The following KCNQ2 variants were observed in gnomAD, a reference collection of about 807,000 sequenced individuals.
KCNQ2 encodes potassium voltage-gated channel subfamily KQT member 2.
A neutral mutation model predicts 84.8 loss-of-function variants in KCNQ2; 14 were observed. The observed-to-expected ratio is 0.17, with a 90% confidence interval of 0.11 to 0.26. The LOEUF (loss-of-function observed/expected upper bound fraction) is 0.26, where lower values mean the gene tolerates loss of function less well. Ranked by LOEUF, KCNQ2 falls within the 10% of genes least tolerant of loss-of-function variation. The probability of loss-of-function intolerance (pLI) is 1.00; values close to 1 mark genes in which losing one functional copy is unlikely to be tolerated. For synonymous variants in KCNQ2, 599 were observed against 554.1 expected, an observed-to-expected ratio of 1.08 and a Z score of -1.14; for missense variants, 788 against 1,254.0, an observed-to-expected ratio of 0.63 and a Z score of 5.61.
At chr20:63,431,491 A>C in intron 8 of KCNQ2, 122 bp from the exon 9 acceptor site, 1 of 1,137,044 alleles carries the variant, frequency 8.8e-7, no homozygotes, top group Non-Finnish European at 1.3e-6. Flanking sequence ...AACAAAGAAA[A>C]TTAGCACAAG....
chr20:63,434,587 G>T (rs1420323158), intron 7 of KCNQ2: 1 of 151,212 alleles, frequency 6.6e-6, no homozygotes, highest in Non-Finnish European at 1.5e-5. Flanking sequence ...TACCCCCGAC[G>T]TTCAGCAGGC....
chr20:63,455,764 G>A (rs981876080), intron 1 of KCNQ2, among the ~76,000 whole-genome samples: 12 of 151,852 alleles, frequency 7.9e-5, no homozygotes, highest in Admixed American at 6.5e-4. Flanking sequence ...CTCTACTCAC[G>A]GGGCCCCCAC....
intron 1 of KCNQ2, among the ~76,000 whole-genome samples, chr20:63,454,543 T>G (rs1488834155): frequency 2.0e-5 from 3 of 152,150 alleles, no homozygotes; most frequent in Admixed American, 6.5e-5. Context: ...ACCTCCAAAC[T>G]GCGGATAGTT....
At chr20:63,415,714 C>T (rs2080277145) in intron 12 of KCNQ2, among the ~76,000 whole-genome samples, 1 of 152,292 alleles carries the variant, frequency 6.6e-6, no homozygotes, top group African/African-American at 2.4e-5. Context: ...GTCCTGCCAG[C>T]CCCTCACCCA....
At chr20:63,467,348 A>G (rs1047674773) in intron 1 of KCNQ2, among the ~76,000 whole-genome samples, 1 of 152,200 alleles carries the variant, frequency 6.6e-6, no homozygotes, top group African/African-American at 2.4e-5. Context: ...CTTCAGGCCC[A>G]GCTCCTCTAC....
chr20:63,442,489 G>A lies in KCNQ2; in HGVS notation c.733C>T (p.Leu245=), dbSNP rs1409265816. The A allele has an allele frequency of 1.9e-6, 3 of 1,613,530 alleles. No homozygotes were observed. Among genetic ancestry groups the A allele is most frequent in the African/African-American group, 1.3e-5 (1 of 74,760 alleles). ...GCCAAGTACACCAGGAACGAGGCCA[G>A]GATGAGACAAAGGAAGCCGATGTAC... ...AWYIGFLCLI[L]ASFLVYLAEK... is the part of the protein sequence containing the mutation. The change falls in exon 5 of 17, where the codon CTG becomes TTG. Residue 245 remains leucine, a synonymous_variant. Coordinates refer to ENST00000359125, the MANE Select transcript of KCNQ2 (RefSeq NM_172107.4).
rs767816206 is a variant in KCNQ2, at chr20:63,438,046, G to C, written c.1023+579C>G. Among the ~76,000 whole-genome samples the C allele has an allele frequency of 6.6e-6, 1 of 152,188 alleles. No homozygotes were observed. Among genetic ancestry groups the C allele is most frequent in the Admixed American group, 6.5e-5 (1 of 15,280 alleles). On this transcript the variant is annotated intron_variant, in intron 7 of 16. Coordinates refer to ENST00000359125, the MANE Select transcript of KCNQ2 (RefSeq NM_172107.4). This position sits in a 1 kb window ranked among gnomAD's most constrained non-coding sequence, Gnocchi z 5.1. ...GCTGGTCTTGATTTCCTGACCTCGT[G>C]ATCCTCCCACCTCGGCCTCCCAAAG...
chr20:63,418,919 G>C (rs2080381783), intron 12 of KCNQ2, among the ~76,000 whole-genome samples: 1 of 152,228 alleles, frequency 6.6e-6, no homozygotes, highest in African/African-American at 2.4e-5. Context: ...GCCAAGGAGA[G>C]CCCCACAGGA....
At chr20:63,416,093 T>C (rs1173348558) in intron 12 of KCNQ2, among the ~76,000 whole-genome samples, 2 of 152,182 alleles carry the variant, frequency 1.3e-5, no homozygotes, top group Non-Finnish European at 2.9e-5. Context: ...TTCCGGCTTC[T>C]GGAAGGAAGG....
chr20:63,467,029 G>T (rs369890549), intron 1 of KCNQ2, among the ~76,000 whole-genome samples: 2 of 152,210 alleles, frequency 1.3e-5, no homozygotes, highest in Non-Finnish European at 2.9e-5. Flanking sequence ...GGGGGACATC[G>T]CAGGCATCAC....
At chr20:63,444,627 C>T (rs753687120) in intron 4 of KCNQ2, 32 bp downstream of exon 4, 12 of 1,493,072 alleles carry the variant, frequency 8.0e-6, no homozygotes, top group Non-Finnish European at 3.6e-6. Flanking sequence ...TGGCTGGGGG[C>T]GCCCACCGCC....
intron 3 of KCNQ2, 136 bp from the exon 4 acceptor site, chr20:63,444,970 G>A: frequency 9.2e-7 from 1 of 1,083,650 alleles, no homozygotes; most frequent in Non-Finnish European, 1.3e-6. Flanking sequence ...TGTGGGCTCT[G>A]TCAGGCCCCA....
rs747789530 is a variant in KCNQ2, at chr20:63,407,240, C to T, written c.2023G>A (p.Asp675Asn). ...EPAPPYHSPEDSREHVDRHGC... is the reference protein window; with the variant it reads ...EPAPPYHSPENSREHVDRHGC... ...TGCCTGTCGACATGCTCCCGGCTGT[C>T]TTCCGGGCTGTGGTACGGCGGCGCC... Residue 675 changes from aspartate to asparagine, a missense_variant, in exon 17 of 17, where the codon GAC (aspartate) becomes AAC (asparagine). Asp to Asn is a conservative substitution (Grantham distance 23). Around this residue, in one of 8 missense-constraint regions of KCNQ2, gnomAD observed 378 missense variants for 434.5 expected, o/e 0.87. Transcript: ENST00000359125. The surrounding 1 kb of genome is among the most constrained non-coding windows in gnomAD (Gnocchi z 7.2). 1.9e-6 allele frequency: 3 copies of T among 1,602,558 alleles called. No individual in the cohort carries two copies. In the South Asian group the frequency reaches 3.3e-5, roughly 18 times the overall value.
At chr20:63,451,337 CATG>C (rs1454142270) in intron 1 of KCNQ2, among the ~76,000 whole-genome samples, 1 of 152,060 alleles carries the variant, frequency 6.6e-6, no homozygotes, top group Non-Finnish European at 1.5e-5. Flanking sequence ...TCTTTTTCCT[CATG>C]ATGTTAAACC....
At chr20:63,441,298 G>A (rs561244384) in intron 5 of KCNQ2, among the ~76,000 whole-genome samples, 28 of 150,762 alleles carry the variant, frequency 1.9e-4, no homozygotes, top group South Asian at 1.1e-3. Context: ...CACAGTCAGC[G>A]CGTTTGAATC....
rs2079995526 is a variant in KCNQ2 at position 63,407,775 on chromosome 20, G to A, written c.1888-400C>T. Among the ~76,000 whole-genome samples the A allele has an allele frequency of 6.6e-6, 1 of 151,876 alleles. No individual in the cohort carries two copies. The highest frequency in any genetic ancestry group is 2.4e-5 in the African/African-American group (1 of 41,324). The stretch of plus-strand genomic sequence containing the variant: ...CTCCCTGGAGAGGTACAGGGAGGGG[G>A]GATCCCTGCTCCCTGGAAGCTGGAG... On this transcript the variant is annotated intron_variant, in intron 16 of 16. Transcript: ENST00000359125. The surrounding 1 kb of genome is among the most constrained non-coding windows in gnomAD (Gnocchi z 7.2).
intron 1 of KCNQ2, among the ~76,000 whole-genome samples, chr20:63,470,112 G>C (rs552435200): frequency 3.3e-5 from 5 of 152,306 alleles, no homozygotes; most frequent in Non-Finnish European, 5.9e-5. Context: ...TGTCCAACCC[G>C]AGGCAGGACC....
chr20:63,413,419 C>T (rs776615842), intron 15 of KCNQ2, 31 bp downstream of exon 15: 2 of 1,612,446 alleles, frequency 1.2e-6, no homozygotes, highest in African/African-American at 1.3e-5. Flanking sequence ...CCGTTCTTGT[C>T]CCCTGCTGGA....
At chr20:63,445,726 G>A (rs112678767) in intron 2 of KCNQ2, 39 of 220,468 alleles carry the variant, frequency 1.8e-4, no homozygotes, top group South Asian at 2.6e-4. Context: ...GAGCTGGGAG[G>A]CCCTGTCTGA....
Sources: gnomAD v4.1 joint callset for allele counts (sites outside exome capture counted in the v4.1 genomes callset) on GRCh38, gnomAD v4.1.1 for gene constraint, gnomAD v4.1.1 regional missense constraint, Gnocchi (gnomAD v3.1) non-coding constraint, MANE v1.5 for transcripts, NCBI Gene and HGNC (gene_info 2026-07-23, HGNC 2026-07-21) for gene names.